OMG: variants seen among roughly 807,000 people sequenced by gnomAD.
OMG encodes the protein oligodendrocyte myelin glycoprotein, also known as oligodendrocyte-myelin glycoprotein.
OMG carries 9 observed loss-of-function variants against 26.2 expected under a neutral mutation model. The ratio of observed to expected loss-of-function variants is 0.34; its 90% CI spans 0.21 to 0.60. The LOEUF (loss-of-function observed/expected upper bound fraction) is 0.60. Among genes scored for constraint, OMG ranks in the 20% least tolerant of loss-of-function variants. OMG has a pLI of 0.80. For synonymous variants in OMG, 179 were observed against 190.4 expected, an observed-to-expected ratio of 0.94 and a Z score of 0.49; for missense variants, 402 against 513.6, an observed-to-expected ratio of 0.78 and a Z score of 2.10.
chr17:31,295,039 C>T lies in OMG; in HGVS notation c.1293G>A (p.Leu431=), dbSNP rs1240232650. ...AWKVNASFLL[L]LNVVVMLAV is the part of the protein sequence containing the mutation. ...CAGCCAGCATGACCACAACATTGAG[C>T]AATAAGAGAAATGAAGCATTTACTT... Residue 431 remains leucine (L), a synonymous_variant, in exon 2 of 2, where the codon TTG becomes TTA. Transcript: ENST00000247271. 4 of 1,614,068 alleles carry T rather than the reference C, an allele frequency of 2.5e-6. No homozygotes were observed. Among genetic ancestry groups the T allele is most frequent in the Admixed American group, 3.3e-5 (2 of 60,010 alleles).
rs1193243476 is a variant in OMG at position 31,295,104 on chromosome 17, T to C, written c.1228A>G (p.Asn410Asp). 6.2e-7 allele frequency: 1 copy of C among 1,614,090 alleles called. No homozygotes were observed. Among genetic ancestry groups the C allele is most frequent in the African/African-American group, 1.3e-5 (1 of 75,026 alleles). Residue 410 changes from asparagine (N) to aspartate (D), a missense_variant, in exon 2 of 2, where the codon AAT becomes GAT. Physicochemically the swap from Asn to Asp is conservative, Grantham distance 23 (BLOSUM62 1). Transcript: ENST00000247271. The stretch of plus-strand genomic sequence containing the variant: ...ACAGAAGGTAATGGAGTCTTTACAT[T>C]TGTGGTTGTCTCTTCCCTCCATAAG... Reference protein sequence around the residue: ...LNLWREETTTNVKTPLPSVAN... With the variant: ...LNLWREETTTDVKTPLPSVAN...
chr17:31,296,711 T>C (rs1236650497), intron 1 of OMG: 1 of 250,130 alleles, frequency 4.0e-6, no homozygotes, highest in Non-Finnish European at 7.8e-6. Context: ...TTTGATGATA[T>C]GCTTTCTTAC....
In OMG at chr17:31,294,775, A is replaced by G. The variant is rs1258530660; in HGVS notation, c.*234T>C. On this transcript the variant is annotated 3_prime_UTR_variant, in exon 2 of 2. Transcript: ENST00000247271. ...CCTTAAAACATTTCATTTTTTTTAT[A>G]AAAGAAACTCATTAGTTTACTTAAT... 2 of 566,018 alleles carry G rather than the reference A, an allele frequency of 3.5e-6. No homozygotes were observed. Among genetic ancestry groups the G allele is most frequent in the South Asian group, 2.1e-5 (1 of 47,264 alleles). The allele number at this position is 566,018 out of a possible 1,614,324, so 35.1% of individuals were successfully genotyped here.
At position 31,295,212 on chromosome 17, in the gene OMG, A is replaced by T; in HGVS notation, c.1120T>A (p.Ser374Thr). 1 of 1,614,036 alleles carries T rather than the reference A, an allele frequency of 6.2e-7. No individual in the cohort carries two copies. The highest frequency in any genetic ancestry group is 8.5e-7 in the Non-Finnish European group (1 of 1,179,994). The change falls in exon 2 of 2, where the codon TCC becomes ACC. Residue 374 changes from serine to threonine, a missense_variant. By Grantham distance (58) the Ser-to-Thr change is moderately conservative (BLOSUM62 1). This residue lies in a region of OMG where 247 missense variants were observed against 274.7 expected (regional missense o/e 0.90). Transcript: ENST00000247271. ...NTSLTSSTKS[S>T]PTPMTLSITS... is the part of the protein sequence containing the mutation. ...ATACTTAGGGTCATGGGTGTTGGGGATGATTTTGTTGAGCTAGTGAGGCTT... is the reference window on the plus strand; with the variant it reads ...ATACTTAGGGTCATGGGTGTTGGGGTTGATTTTGTTGAGCTAGTGAGGCTT...
rs573043378 is a variant in OMG at position 31,296,514 on chromosome 17, T to C, written c.-6-177A>G. ...CTTCATTTATAGTCCAAATGCTTAA[T>C]CCTTCAATTGGGCTATGTGGTAGAG... On this transcript the variant is annotated intron_variant, in intron 1 of 1. Transcript: ENST00000247271. 46 of 646,790 alleles carry C rather than the reference T, an allele frequency of 7.1e-5. No homozygotes were observed. The East Asian group carries it at 1.1e-3, about 16-fold the overall frequency. The allele number at this position is 646,790 out of a possible 1,614,324, so 40.1% of individuals were successfully genotyped here. A position where few individuals can be genotyped will look rare whatever the true frequency, so the allele number is the denominator to read the frequency against.
chr17:31,296,847 G>T, intron 1 of OMG: 1 of 159,060 alleles, frequency 6.3e-6, no homozygotes, highest in Non-Finnish European at 1.4e-5. Context: ...TTATCTGTAT[G>T]TTTTTAGGAT....
At chr17:31,296,753 T>C in intron 1 of OMG, 1 of 226,220 alleles carries the variant, frequency 4.4e-6, no homozygotes, top group Non-Finnish European at 8.8e-6. Context: ...TCGTGTCTTT[T>C]TTTTTTAATC....
Position 31,294,790 on chromosome 17 carries a change from GTTTAC to G in OMG, c.*214_*218del. 1.7e-6 allele frequency: 1 copy of G among 592,854 alleles called. No individual in the cohort carries two copies. The highest frequency in any genetic ancestry group is 3.0e-6 in the Non-Finnish European group (1 of 338,560). 36.7% of individuals were successfully genotyped at this position (592,854 alleles called of 1,614,324 possible). On this transcript the variant is annotated 3_prime_UTR_variant, in exon 2 of 2. Coordinates refer to ENST00000247271, the MANE Select transcript of OMG (RefSeq NM_002544.5). ...TTTTTTTTATAAAAGAAACTCATTA[GTTTAC>G]TTAATTAAGACAGTAAAATAGCAGC...
At position 31,294,922 on chromosome 17, in the gene OMG, G is replaced by T; in HGVS notation, c.*87C>A. The T allele has an allele frequency of 6.5e-7, 1 of 1,549,978 alleles. No homozygotes were observed. ...TGGCTTTCTTGAATACTTAAATATA[G>T]CTCGAATCACTGGTTAGATATGGAC... On this transcript the variant is annotated 3_prime_UTR_variant, in exon 2 of 2. Coordinates refer to ENST00000247271, the MANE Select transcript of OMG (RefSeq NM_002544.5).
Position 31,295,358 on chromosome 17 carries a change from G to A in OMG, c.974C>T (p.Thr325Ile). 6.2e-7 allele frequency: 1 copy of A among 1,614,148 alleles called. No individual in the cohort carries two copies. Among genetic ancestry groups the A allele is most frequent in the Non-Finnish European group, 8.5e-7 (1 of 1,180,018 alleles). ...GATLSKDTTF[T>I]STDKAFVPYP... ...GGGCACAAAAGCCTTATCAGTGCTAGTAAAGGTGGTGTCTTTGCTTAGAGT... is the reference window on the plus strand; with the variant it reads ...GGGCACAAAAGCCTTATCAGTGCTAATAAAGGTGGTGTCTTTGCTTAGAGT... Residue 325 changes from threonine (T) to isoleucine (I), a missense_variant, in exon 2 of 2, where the codon ACT becomes ATT. Coordinates refer to ENST00000247271, the MANE Select transcript of OMG (RefSeq NM_002544.5).
chr17:31,296,544 A>G (rs1393838592), intron 1 of OMG: 4 of 567,472 alleles, frequency 7.0e-6, no homozygotes, highest in Non-Finnish European at 1.3e-5. Context: ...GTAGAGAGAG[A>G]CTCTCTCCCT....
At position 31,295,409 on chromosome 17, in the gene OMG, C is replaced by G. The variant is rs143896440; in HGVS notation, c.923G>C (p.Arg308Pro). Residue 308 changes from arginine to proline, a missense_variant, in exon 2 of 2, where the codon CGA becomes CCA. Physicochemically the swap from Arg to Pro is moderately radical, Grantham distance 103. Transcript: ENST00000247271. Reference sequence around the variant, plus strand: ...GGCACCAAACGTTGTTTCCTTTGTTCGATATTGTTTGGGTATTTTGGTCAC... The same window carrying G: ...GGCACCAAACGTTGTTTCCTTTGTTGGATATTGTTTGGGTATTTTGGTCAC... Reference protein sequence around the residue: ...PKVTKIPKQYRTKETTFGATL... With the variant: ...PKVTKIPKQYPTKETTFGATL... The G allele has an allele frequency of 6.2e-7, 1 of 1,613,806 alleles. No individual in the cohort carries two copies. Among genetic ancestry groups the G allele is most frequent in the African/African-American group, 1.3e-5 (1 of 74,852 alleles).
chr17:31,294,818 A>C lies in OMG; in HGVS notation c.*191T>G. ...TACTTAATTAAGACAGTAAAATAGC[A>C]GCAAGTACCAAGACATTGTGCATTT... On this transcript the variant is annotated 3_prime_UTR_variant, in exon 2 of 2. Coordinates refer to ENST00000247271, the MANE Select transcript of OMG (RefSeq NM_002544.5). The C allele has an allele frequency of 1.5e-6, 1 of 670,776 alleles. No individual in the cohort carries two copies. Among genetic ancestry groups the C allele is most frequent in the Non-Finnish European group, 2.5e-6 (1 of 395,266 alleles). 41.6% of individuals were successfully genotyped at this position (670,776 alleles called of 1,614,324 possible).
intron 1 of OMG, chr17:31,296,704 G>T: frequency 8.1e-6 from 2 of 247,722 alleles, no homozygotes; most frequent in Non-Finnish European, 1.6e-5. Flanking sequence ...TACTATTTTT[G>T]ATGATATGCT....
chr17:31,296,689 G>C (rs2068473036), intron 1 of OMG: 1 of 262,416 alleles, frequency 3.8e-6, no homozygotes, highest in African/African-American at 2.2e-5. Flanking sequence ...GCAGTTGTAG[G>C]CTATTACTAT....
In OMG at chr17:31,296,084, AG is replaced by A; in HGVS notation, c.247del (p.Leu83TrpfsTer63). ...TTCAAGCCTGTTGTTTGAAATGTCCAGGGTCCTCAGATTGGTATATTGGGTT... is the reference window on the plus strand; with the variant it reads ...TTCAAGCCTGTTGTTTGAAATGTCCAGGTCCTCAGATTGGTATATTGGGTT... Reference protein sequence around the residue: ...QLTQYTNLRTLDISNNRLESL... With the variant: ...QLTQYTNLRTXDISNNRLESL... On this transcript the variant is annotated frameshift_variant, in exon 2 of 2. Coordinates refer to ENST00000247271, the MANE Select transcript of OMG (RefSeq NM_002544.5). LOFTEE classifies it high-confidence loss of function. The A allele has an allele frequency of 6.2e-7, 1 of 1,613,472 alleles. No individual in the cohort carries two copies. Among genetic ancestry groups the A allele is most frequent in the Non-Finnish European group, 8.5e-7 (1 of 1,179,756 alleles).
chr17:31,295,703 G>T lies in OMG; in HGVS notation c.629C>A (p.Ser210Tyr), dbSNP rs564990375. ...TTGCAACTGAAAGAGTTGGTCAAAA[G>T]ATTGGTCTGGAATGAATGTGAACTT... ...NNKFTFIPDQSFDQLFQLQEI... is the reference protein window; with the variant it reads ...NNKFTFIPDQYFDQLFQLQEI... Residue 210 changes from serine (S) to tyrosine (Y), a missense_variant, in exon 2 of 2, where the codon TCT becomes TAT. Physicochemically the swap from Ser to Tyr is moderately radical, Grantham distance 144 (BLOSUM62 -2). Transcript: ENST00000247271. 1 of 1,614,180 alleles carries T rather than the reference G, an allele frequency of 6.2e-7. No homozygotes were observed. The highest frequency in any genetic ancestry group is 1.3e-5 in the African/African-American group (1 of 75,050).
intron 1 of OMG, 116 bp downstream of exon 1, chr17:31,297,040 T>C (rs1473269745): frequency 6.6e-6 from 1 of 152,220 alleles, no homozygotes; most frequent in African/African-American, 2.4e-5. Flanking sequence ...GCAGCAAATT[T>C]CTGGTGCATG....
At chr17:31,296,592 C>G in intron 1 of OMG, 2 of 474,516 alleles carry the variant, frequency 4.2e-6, no homozygotes, top group Non-Finnish European at 7.7e-6. Context: ...TTCTCTCTCC[C>G]TCCCCCCTTT....
Sources: allele counts gnomAD v4.1 joint callset, GRCh38; gene constraint gnomAD v4.1.1; regional missense constraint gnomAD v4.1.1; transcripts MANE v1.5; gene names NCBI Gene and HGNC (gene_info 2026-07-23, HGNC 2026-07-21).